The following PALM2AKAP2 variants were observed in gnomAD, a reference collection of about 807,000 sequenced individuals.
PALM2AKAP2 encodes the protein PALM2-AKAP2 fusion protein.
A neutral mutation model predicts 71.5 loss-of-function variants in PALM2AKAP2; 37 were observed. The observed-to-expected ratio is 0.52, with a 90% CI of 0.40 to 0.68. The LOEUF (loss-of-function observed/expected upper bound fraction) is 0.68. Ranked by LOEUF, PALM2AKAP2 falls within the 30% of genes least tolerant of loss-of-function variation. PALM2AKAP2 has a pLI of 0.00. For missense variants in PALM2AKAP2, 1,224 were observed against 1,191.8 expected (o/e 1.03, Z -0.40); for synonymous variants, 468 against 478.8 (o/e 0.98, Z 0.29).
chr9:110,138,072 C>T (rs760490130), exon 2 of PALM2AKAP2: 8 of 1,613,908 alleles, frequency 5.0e-6, no homozygotes, highest in Non-Finnish European at 5.9e-6. Context: ...GAAGCTGAAG[C>T]TGCGGCTTTC....
At chr9:109,889,995 T>C (rs1312704466) in intron 3 of PALM2AKAP2, among the ~76,000 whole-genome samples, 2 of 152,224 alleles carry the variant, frequency 1.3e-5, no homozygotes, top group East Asian at 3.8e-4. Flanking sequence ...GTTTTCTCTC[T>C]ACAAAAAGCT....
At chr9:109,763,251 C>T (rs1587898474) in intron 1 of PALM2AKAP2, among the ~76,000 whole-genome samples, 1 of 152,122 alleles carries the variant, frequency 6.6e-6, no homozygotes, top group African/African-American at 2.4e-5. Context: ...CTGGCCTCCT[C>T]CTGCCCACCA....
rs554084999 is a variant in PALM2AKAP2 at position 110,084,967 on chromosome 9, C to T, written c.156+36112C>T. ...GTGTTAGTCAGGATGGTCTTGATCT[C>T]CTGACCTTATGATCTGCCTGCCTCG... is the stretch of plus-strand genomic sequence containing the variant. On this transcript the variant is annotated intron_variant, in intron 1 of 3. Coordinates refer to ENST00000374525, the Ensembl canonical transcript of PALM2AKAP2. Among the ~76,000 whole-genome samples, 29 of 152,142 alleles carry T rather than the reference C, an allele frequency of 1.9e-4. No homozygotes were observed. The South Asian group carries it at 5.4e-3, about 28-fold the overall frequency.
chr9:110,136,088 C>T (rs752705610), intron 1 of PALM2AKAP2, 39 bp from the exon 8 acceptor site: 8 of 1,519,172 alleles, frequency 5.3e-6, no homozygotes, highest in South Asian at 1.3e-5. Flanking sequence ...ATAAGAGATG[C>T]AGTATTTAAC....
intron 1 of PALM2AKAP2, chr9:110,090,132 T>C: frequency 3.3e-6 from 1 of 301,418 alleles, no homozygotes; most frequent in Admixed American, 4.4e-5. Flanking sequence ...AAAGTGTACC[T>C]TTGAACCGGA....
At chr9:109,780,190 C>G (rs1036334418), upstream of PALM2AKAP2, 1 of 760,818 alleles carries the variant, frequency 1.3e-6, no homozygotes, top group Non-Finnish European at 1.6e-6. Flanking sequence ...CTCCCGGCGG[C>G]TGCCGGCGTC....
intron 1 of PALM2AKAP2, among the ~76,000 whole-genome samples, chr9:110,110,277 C>T (rs1835216918): frequency 6.6e-6 from 1 of 152,154 alleles, no homozygotes; most frequent in Non-Finnish European, 1.5e-5. Flanking sequence ...TGTTGGGCAG[C>T]ATCTTAGGCT....
intron 1 of PALM2AKAP2, among the ~76,000 whole-genome samples, chr9:110,060,643 C>T (rs1302431142): frequency 2.0e-5 from 3 of 151,976 alleles, no homozygotes; most frequent in Non-Finnish European, 4.4e-5. Flanking sequence ...ACTCTGTTGC[C>T]CAGGCTGGAG....
At chr9:110,104,189 C>CGG (rs1210835333) in intron 1 of PALM2AKAP2, among the ~76,000 whole-genome samples, 7 of 31,402 alleles carry the variant, frequency 2.2e-4, no homozygotes, top group African/African-American at 4.0e-4. Context: ...TTTGGGGGGG[C>CGG]GGGGGGGTAA....
chr9:110,148,749 G>T (rs1443087312), intron 2 of PALM2AKAP2: 1 of 152,158 alleles, frequency 6.6e-6, no homozygotes. Context: ...ATACGAGTGG[G>T]TGAAGGCTTT....
intron 1 of PALM2AKAP2, among the ~76,000 whole-genome samples, chr9:109,739,941 A>G (rs552720140): frequency 6.6e-6 from 1 of 152,354 alleles, no homozygotes; most frequent in East Asian, 1.9e-4. Context: ...AGGTCTTGTC[A>G]AAGCTGGCCA....
intron 3 of PALM2AKAP2, among the ~76,000 whole-genome samples, chr9:109,920,615 G>C (rs1471083050): frequency 2.0e-5 from 3 of 151,932 alleles, no homozygotes; most frequent in Non-Finnish European, 4.4e-5. Context: ...CCTAACCTCA[G>C]GTATACGCCT....
chr9:109,782,984 C>T (rs912599704), intron 1 of PALM2AKAP2, among the ~76,000 whole-genome samples: 2 of 151,950 alleles, frequency 1.3e-5, no homozygotes, highest in Admixed American at 1.3e-4. Context: ...CCTAGCACTC[C>T]TGAAGTCTCT....
At chr9:110,015,606 CAATA>C (rs893037460) in intron 6 of PALM2AKAP2, among the ~76,000 whole-genome samples, 18 of 151,974 alleles carry the variant, frequency 1.2e-4, no homozygotes, top group African/African-American at 3.6e-4. Context: ...AACTTGGTCT[CAATA>C]AATAAATAAA....
intron 1 of PALM2AKAP2, among the ~76,000 whole-genome samples, chr9:109,809,970 G>A (rs1234711000): frequency 6.6e-6 from 1 of 152,194 alleles, no homozygotes. Context: ...GGAACTGTGA[G>A]TCAATTAAAC....
exon 7 of PALM2AKAP2, chr9:110,016,007 A>G: frequency 6.2e-7 from 1 of 1,614,058 alleles, no homozygotes; most frequent in Non-Finnish European, 8.5e-7. Context: ...CTCGAACGCC[A>G]CAGAAACATC....
At chr9:109,922,766 T>C (rs1830864075) in intron 3 of PALM2AKAP2, among the ~76,000 whole-genome samples, 1 of 152,142 alleles carries the variant, frequency 6.6e-6, no homozygotes, top group East Asian at 1.9e-4. Context: ...TTAGATCCCA[T>C]GTGGTAAGAG....
At chr9:110,020,556 G>A (rs1336079178) in intron 7 of PALM2AKAP2, among the ~76,000 whole-genome samples, 1 of 151,992 alleles carries the variant, frequency 6.6e-6, no homozygotes, top group East Asian at 1.9e-4. Context: ...GGTGATGCAT[G>A]CCTGTAATCC....
At chr9:110,108,118 C>CTTTTTTTT (rs371354620) in intron 1 of PALM2AKAP2, among the ~76,000 whole-genome samples, 20 of 111,202 alleles carry the variant, frequency 1.8e-4, no homozygotes, top group African/African-American at 3.1e-4. Flanking sequence ...TTCTTTTTTT[C>CTTTTTTTT]TTTTTTTTTT....
Sources: allele counts gnomAD v4.1 joint callset (sites outside exome capture counted in the v4.1 genomes callset), GRCh38; gene constraint gnomAD v4.1.1; transcripts MANE v1.5; gene names NCBI Gene and HGNC (gene_info 2026-07-23, HGNC 2026-07-21).